The following TCF12 variants were observed in gnomAD, a reference collection of about 807,000 sequenced individuals.
The protein encoded by TCF12 is DNA-binding protein HTF4.
In TCF12, 45 loss-of-function variants were observed where a neutral mutation model predicts 86.0. The ratio of observed to expected loss-of-function variants is 0.52; its 90% confidence interval spans 0.41 to 0.67. TCF12 has a LOEUF of 0.67. Among genes scored for constraint, TCF12 ranks in the 30% least tolerant of loss-of-function variants. The probability of loss-of-function intolerance (pLI) is 0.00; values close to 1 mark genes in which losing one functional copy is unlikely to be tolerated. For missense variants in TCF12, 881 were observed against 859.9 expected, an observed-to-expected ratio of 1.02 and a Z score of -0.31; for synonymous variants, 330 against 299.6, an observed-to-expected ratio of 1.10 and a Z score of -1.05.
At chr15:57,133,845 C>T (rs2088686962) in intron 5 of TCF12, among the ~76,000 whole-genome samples, 1 of 152,092 alleles carries the variant, frequency 6.6e-6, no homozygotes, top group Admixed American at 6.6e-5. Flanking sequence ...CCTATTTTTA[C>T]CTCCTCTTCA....
intron 3 of TCF12, among the ~76,000 whole-genome samples, chr15:56,953,067 G>A (rs1350505207): frequency 6.6e-6 from 1 of 151,964 alleles, no homozygotes; most frequent in Non-Finnish European, 1.5e-5. Context: ...ATAGATGTTG[G>A]ATTTTGCCAG....
chr15:57,123,263 T>C (rs1252832574), intron 5 of TCF12, among the ~76,000 whole-genome samples: 6 of 152,212 alleles, frequency 3.9e-5, no homozygotes, highest in African/African-American at 1.4e-4. Flanking sequence ...GCTTTTGCAA[T>C]AGAAAGTATA....
chr15:57,022,814 A>G (rs1028315914), intron 3 of TCF12, among the ~76,000 whole-genome samples: 5 of 152,080 alleles, frequency 3.3e-5, no homozygotes, highest in African/African-American at 7.2e-5. Flanking sequence ...TTCTCTGATG[A>G]CCAGTGATGA....
rs78750670 is a variant in TCF12 at position 57,087,012 on chromosome 15, C to A, written c.223-4777C>A. On this transcript the variant is annotated intron_variant, in intron 4 of 20. Transcript: ENST00000333725. ...TAAATAATACTAGGTGTGTTCTCTC[C>A]CTCTGTCTCCCTCTGTCTCTTCCCC... Among the ~76,000 whole-genome samples the A allele has an allele frequency of 6.0e-4, 90 of 151,006 alleles. 5 individuals are homozygous for A. In the East Asian group the frequency reaches 0.017, roughly 29 times the overall value.
At position 57,166,383 on chromosome 15, in the gene TCF12, T is replaced by C; in HGVS notation, c.326-19T>C. On this transcript the variant is annotated intron_variant, in intron 5 of 20. Coordinates refer to ENST00000333725, the MANE Select transcript of TCF12 (RefSeq NM_207037.2). ...ATAAATGAAGGGTTTTATATAAAGT[T>C]AATTTCTTTGTTTTATAGGAAAAAC... The C allele has an allele frequency of 6.2e-7, 1 of 1,606,328 alleles. No homozygotes were observed. Among genetic ancestry groups the C allele is most frequent in the Non-Finnish European group, 8.5e-7 (1 of 1,175,330 alleles).
At chr15:57,183,046 T>C (rs2056452081) in intron 6 of TCF12, among the ~76,000 whole-genome samples, 1 of 152,180 alleles carries the variant, frequency 6.6e-6, no homozygotes, top group Non-Finnish European at 1.5e-5. Flanking sequence ...GTGAAATCTA[T>C]ATAATACTTA....
chr15:57,131,860 G>A (rs2052151784), intron 5 of TCF12, among the ~76,000 whole-genome samples: 1 of 152,208 alleles, frequency 6.6e-6, no homozygotes, highest in Admixed American at 6.5e-5. Flanking sequence ...TAGAATCTGA[G>A]TCTTCTGATT....
chr15:57,139,657 C>CA (rs879939761), intron 5 of TCF12, among the ~76,000 whole-genome samples: 55 of 142,612 alleles, frequency 3.9e-4, no homozygotes, highest in South Asian at 1.1e-3. Flanking sequence ...TTCTTTAAAC[C>CA]AAAAAAAAAA....
chr15:57,015,662 G>C (rs918500468), intron 3 of TCF12, among the ~76,000 whole-genome samples: 1 of 152,012 alleles, frequency 6.6e-6, no homozygotes. Flanking sequence ...GGGCTACATA[G>C]CCCCATGTCA....
chr15:57,091,413 A>T (rs148296762), intron 4 of TCF12, among the ~76,000 whole-genome samples: 98 of 152,306 alleles, frequency 6.4e-4, no homozygotes, highest in South Asian at 2.3e-3. Context: ...AATTTATTTT[A>T]AAAAATCCAT....
At chr15:57,207,557 G>A (rs1052660957) in intron 8 of TCF12, among the ~76,000 whole-genome samples, 3 of 151,980 alleles carry the variant, frequency 2.0e-5, no homozygotes, top group Non-Finnish European at 4.4e-5. Flanking sequence ...TGTAATCCCA[G>A]CTACTTGGGA....
In TCF12 at chr15:56,972,809, T is replaced by C. The variant is rs1479654716; in HGVS notation, c.148+51711T>C. On this transcript the variant is annotated intron_variant, in intron 3 of 20. Coordinates refer to ENST00000333725, the MANE Select transcript of TCF12 (RefSeq NM_207037.2). ...TAGACTAAAGCAGAGACAAATGAAC[T>C]CATCTGTATTTCAAATGAGTAACAT... is the stretch of plus-strand genomic sequence containing the variant. Among the ~76,000 whole-genome samples, 3 of 152,096 alleles carry C rather than the reference T, an allele frequency of 2.0e-5. No individual in the cohort carries two copies. In the East Asian group the frequency reaches 5.8e-4, roughly 29 times the overall value.
chr15:56,951,799 G>C (rs192049617), intron 3 of TCF12, among the ~76,000 whole-genome samples: 1 of 152,030 alleles, frequency 6.6e-6, no homozygotes, highest in African/African-American at 2.4e-5. Flanking sequence ...ACAGGAATGA[G>C]CCTGGCTAAT....
chr15:57,216,884 G>A (rs1400018933), intron 8 of TCF12, among the ~76,000 whole-genome samples: 13 of 152,070 alleles, frequency 8.5e-5, no homozygotes, highest in Admixed American at 5.2e-4. Context: ...TAGCATACAA[G>A]TAGAATATAG....
At chr15:56,918,192 T>C, upstream of TCF12, 1 of 456,162 alleles carries the variant, frequency 2.2e-6, no homozygotes, top group South Asian at 1.5e-5. Flanking sequence ...TAGGGTGGCG[T>C]CCAGCGTGAC....
intron 5 of TCF12, among the ~76,000 whole-genome samples, chr15:57,101,999 G>C (rs1281171235): frequency 6.6e-6 from 1 of 152,152 alleles, no homozygotes; most frequent in Non-Finnish European, 1.5e-5. Context: ...CTGTGGTCCA[G>C]CATACCAATA....
chr15:57,023,615 A>G (rs752730360), intron 3 of TCF12, among the ~76,000 whole-genome samples: 29 of 152,140 alleles, frequency 1.9e-4, no homozygotes, highest in Non-Finnish European at 3.8e-4. Flanking sequence ...AGTTTTTTTT[A>G]TGAAAACCGA....
intron 18 of TCF12, among the ~76,000 whole-genome samples, chr15:57,267,775 G>T (rs1339249421): frequency 6.6e-6 from 1 of 152,152 alleles, no homozygotes; most frequent in African/African-American, 2.4e-5. Flanking sequence ...TAATGAATAG[G>T]TTAATAACAT....
intron 3 of TCF12, among the ~76,000 whole-genome samples, chr15:56,976,492 C>A (rs959147965): frequency 2.0e-5 from 3 of 151,772 alleles, no homozygotes; most frequent in African/African-American, 7.3e-5. Context: ...CCGCCTCGGC[C>A]TCCCAAAGTG....
Sources: allele counts gnomAD v4.1 joint callset (sites outside exome capture counted in the v4.1 genomes callset), GRCh38; gene constraint gnomAD v4.1.1; transcripts MANE v1.5; gene names NCBI Gene and HGNC (gene_info 2026-07-23, HGNC 2026-07-21).